TAF8: variants seen among roughly 807,000 people sequenced by gnomAD.
TAF8 encodes TATA-box binding protein associated factor 8.
In TAF8, 47 loss-of-function variants were observed where a neutral mutation model predicts 36.5. The ratio of observed to expected loss-of-function variants is 1.29; its 90% CI spans 1.02 to 1.64. TAF8 has a LOEUF of 1.64. TAF8 is among the 40% of genes most tolerant of loss of function. The pLI is 0.00. For missense variants in TAF8, 420 were observed against 407.6 expected, an observed-to-expected ratio of 1.03 and a Z score of -0.26; for synonymous variants, 175 against 159.5, an observed-to-expected ratio of 1.10 and a Z score of -0.73.
chr6:42,059,111 A>C (rs1321734648), intron 5 of TAF8, among the ~76,000 whole-genome samples: 3 of 151,874 alleles, frequency 2.0e-5, no homozygotes, highest in Admixed American at 6.6e-5. Context: ...GGGCCGGGCA[A>C]GGTGGCTCAC....
chr6:42,051,352 C>G lies in TAF8; in HGVS notation c.46-5C>G, dbSNP rs773975868. 6.2e-6 allele frequency: 10 copies of G among 1,609,836 alleles called. No individual in the cohort carries two copies. The highest frequency in any genetic ancestry group is 8.5e-6 in the Non-Finnish European group (10 of 1,176,510). On this transcript the variant is annotated splice_polypyrimidine_tract_variant and splice_region_variant and intron_variant, in intron 1 of 8. Transcript: ENST00000372977. ...GTGGATGAAAATCTCTCTGCTGATT[C>G]ACAGAGATCGGGAAGTAAACAGTCC...
At position 42,077,600 on chromosome 6, in the gene TAF8, T is replaced by C; in HGVS notation, c.*55T>C. ...GCGCAGATTCCACCCTCCCGGGGAG[T>C]TAAAGCCACTCAAGGGAAGAAGAGG... On this transcript the variant is annotated 3_prime_UTR_variant, in exon 9 of 9. Coordinates refer to ENST00000372977, the MANE Select transcript of TAF8 (RefSeq NM_138572.3). 3.7e-6 allele frequency: 6 copies of C among 1,603,556 alleles called. No individual in the cohort carries two copies. The highest frequency in any genetic ancestry group is 5.1e-6 in the Non-Finnish European group (6 of 1,174,934).
intron 5 of TAF8, among the ~76,000 whole-genome samples, chr6:42,059,490 G>T (rs1765118871): frequency 6.6e-6 from 1 of 152,138 alleles, no homozygotes. Context: ...TATTGATCTG[G>T]GTGGTGCCAG....
chr6:42,059,180 G>A (rs1357941091), intron 5 of TAF8, among the ~76,000 whole-genome samples: 7 of 152,006 alleles, frequency 4.6e-5, no homozygotes, highest in East Asian at 3.9e-4. Context: ...TCAGGAGATC[G>A]AGACCATCCT....
At chr6:42,056,448 A>G (rs1403234712) in intron 4 of TAF8, 1 of 191,794 alleles carries the variant, frequency 5.2e-6, no homozygotes, top group Non-Finnish European at 1.1e-5. Context: ...GTTGTGGTAG[A>G]GACTGTACCA....
At chr6:42,085,123 T>A (rs867476206), downstream of TAF8, among the ~76,000 whole-genome samples, 5 of 152,218 alleles carry the variant, frequency 3.3e-5, no homozygotes, top group Non-Finnish European at 4.4e-5. Flanking sequence ...TCCCTTTTTT[T>A]ATACATGAAT....
At chr6:42,076,856 A>G (rs1217933246) in intron 7 of TAF8, among the ~76,000 whole-genome samples, 2 of 151,950 alleles carry the variant, frequency 1.3e-5, no homozygotes, top group Non-Finnish European at 2.9e-5. Context: ...CCTTCTCCAG[A>G]GGTTCAAAAC....
At chr6:42,070,340 A>AC (rs926696296) in intron 7 of TAF8, among the ~76,000 whole-genome samples, 6 of 151,764 alleles carry the variant, frequency 4.0e-5, no homozygotes, top group Admixed American at 3.3e-4. Context: ...TACAAAAAAA[A>AC]AATTAGCCAG....
chr6:42,072,106 A>C (rs890543550), intron 7 of TAF8, among the ~76,000 whole-genome samples: 3 of 152,202 alleles, frequency 2.0e-5, no homozygotes, highest in African/African-American at 7.2e-5. Flanking sequence ...GTAAGTAGAA[A>C]CAGAAACACC....
chr6:42,070,207 G>A (rs1765516338), intron 7 of TAF8, among the ~76,000 whole-genome samples: 1 of 152,114 alleles, frequency 6.6e-6, no homozygotes, highest in South Asian at 2.1e-4. Context: ...TAAAACTAAA[G>A]GCCGGGCGCG....
At position 42,079,733 on chromosome 6, in the gene TAF8, T is replaced by A. The variant is rs112428683; in HGVS notation, c.*2188T>A. 271 of 597,632 alleles carry A rather than the reference T, an allele frequency of 4.5e-4. No homozygotes were observed. The highest frequency in any genetic ancestry group is 5.3e-4 in the Non-Finnish European group (252 of 477,584). 37.0% of individuals were successfully genotyped at this position (597,632 alleles called of 1,614,324 possible). ...CTGGCTAATTTTTTTTTTTTTTTTT[T>A]AGTAGACACGGGATTTTGCTATGTT... On this transcript the variant is annotated 3_prime_UTR_variant, in exon 9 of 9. Coordinates refer to ENST00000372977, the MANE Select transcript of TAF8 (RefSeq NM_138572.3).
intron 2 of TAF8, among the ~76,000 whole-genome samples, chr6:42,052,685 C>A (rs549115778): frequency 6.6e-6 from 1 of 152,240 alleles, no homozygotes; most frequent in South Asian, 2.1e-4. Context: ...CTTACAGAGG[C>A]TTTTCTGCAT....
chr6:42,083,910 G>A (rs12664771), downstream of TAF8, among the ~76,000 whole-genome samples: 135 of 152,240 alleles, frequency 8.9e-4, no homozygotes, highest in East Asian at 0.016. Context: ...TGCTGGGCAC[G>A]GTGGCTCACG....
intron 7 of TAF8, among the ~76,000 whole-genome samples, chr6:42,069,082 GTTGTA>G (rs1765472553): frequency 6.6e-6 from 1 of 152,146 alleles, no homozygotes; most frequent in African/African-American, 2.4e-5. Flanking sequence ...GAGCTCCCCT[GTTGTA>G]TTGAAGAACA....
Position 42,078,640 on chromosome 6 carries a change from G to A in TAF8, c.*1095G>A, listed in dbSNP as rs948073438. The A allele has an allele frequency of 1.4e-4, 139 of 985,422 alleles. 1 individual carries two copies. Among genetic ancestry groups the A allele is most frequent in the Non-Finnish European group, 1.6e-4 (132 of 829,938 alleles). The allele number at this position is 985,422 out of a possible 1,614,324, so 61.0% of individuals were successfully genotyped here. ...ACCTGTCCTCCCGTCGGCATTTGAC[G>A]AAAGCTCCCTGAAGCGGGGCAGCAC... is the stretch of plus-strand genomic sequence containing the variant. On this transcript the variant is annotated 3_prime_UTR_variant, in exon 9 of 9. Coordinates refer to ENST00000372977, the MANE Select transcript of TAF8 (RefSeq NM_138572.3).
At chr6:42,068,399 T>A in intron 6 of TAF8, 66 bp from the exon 7 acceptor site, 1 of 1,590,028 alleles carries the variant, frequency 6.3e-7, no homozygotes. Flanking sequence ...TGTGAGGCTC[T>A]AGGACTCTAA....
In TAF8 at chr6:42,057,706, G is replaced by A. The variant is rs530893622; in HGVS notation, c.489+193G>A. 7.5e-6 allele frequency: 5 copies of A among 667,612 alleles called. No homozygotes were observed. The Admixed American group carries it at 1.0e-4, about 13-fold the overall frequency. 41.4% of individuals were successfully genotyped at this position (667,612 alleles called of 1,614,324 possible). Reference sequence around the variant, plus strand: ...AGGCCGAGGCAGGAGGATCACTTGAGCCTGGGAGTTCAAGACCAGCCTGGG... The same window carrying A: ...AGGCCGAGGCAGGAGGATCACTTGAACCTGGGAGTTCAAGACCAGCCTGGG... On this transcript the variant is annotated intron_variant, in intron 5 of 8. Coordinates refer to ENST00000372977, the MANE Select transcript of TAF8 (RefSeq NM_138572.3).
At chr6:42,052,576 C>T (rs1419160927) in intron 2 of TAF8, among the ~76,000 whole-genome samples, 1 of 152,172 alleles carries the variant, frequency 6.6e-6, no homozygotes, top group Non-Finnish European at 1.5e-5. Context: ...CCCACCTTGG[C>T]CTCTCAAAGT....
At chr6:42,051,569 C>T in intron 2 of TAF8, 56 bp downstream of exon 2, 1 of 1,563,866 alleles carries the variant, frequency 6.4e-7, no homozygotes, top group Non-Finnish European at 8.7e-7. Flanking sequence ...GTTCTGTGCC[C>T]TGCTTTGTGA....
Sources: gnomAD v4.1 joint callset for allele counts (sites outside exome capture counted in the v4.1 genomes callset) on GRCh38, gnomAD v4.1.1 for gene constraint, MANE v1.5 for transcripts, NCBI Gene and HGNC (gene_info 2026-07-23, HGNC 2026-07-21) for gene names.